The following CHRDL1 variants were observed in gnomAD, a reference collection of about 807,000 sequenced individuals.
CHRDL1 encodes the protein chordin like 1.
Under a neutral mutation model 40.9 loss-of-function variants are expected in CHRDL1, and 19 were observed. That is an observed-to-expected ratio of 0.46 (90% CI 0.32 to 0.68). The LOEUF is 0.68. Among genes scored for constraint, CHRDL1 ranks in the 30% least tolerant of loss-of-function variants. CHRDL1 has a pLI of 0.03. For synonymous variants in CHRDL1, 136 were observed against 123.4 expected (o/e 1.10, Z -0.68); for missense variants, 329 against 352.1 (o/e 0.93, Z 0.53).
intron 2 of CHRDL1, among the ~76,000 whole-genome samples, chrX:110,766,586 C>A (rs1025346557): frequency 2.7e-5 from 3 of 111,046 alleles, no homozygotes; most frequent in Non-Finnish European, 5.7e-5. Flanking sequence ...ACTAGGAAAC[C>A]TAGAAGAGAT....
Position 110,755,847 on chromosome X carries a change from A to G in CHRDL1, c.301+3814T>C, listed in dbSNP as rs1017869798. On this transcript the variant is annotated intron_variant, in intron 4 of 11. Transcript: ENST00000372042. ...CCTAATAATCACTGGGGTGGAAGGA[A>G]CACAGAGGAGTCATCACATCCATTG... 2.7e-5 allele frequency among the ~76,000 whole-genome samples: 3 copies of G among 111,928 alleles called. No homozygotes were observed. The East Asian group carries it at 8.4e-4, about 32-fold the overall frequency.
intron 4 of CHRDL1, among the ~76,000 whole-genome samples, chrX:110,752,403 T>C (rs184881410): frequency 7.6e-4 from 85 of 111,917 alleles, no homozygotes; most frequent in Non-Finnish European, 1.4e-3. Context: ...TAACCCCTTG[T>C]ACTGTGTCAA....
Position 110,719,932 on chromosome X carries a change from C to A in CHRDL1, c.448-4G>T. Reference sequence around the variant, plus strand: ...GACCACAATACACGTTTCCCTCCTGCCAAGGAGAAACAGAATTAAGATTAG... The same window carrying A: ...GACCACAATACACGTTTCCCTCCTGACAAGGAGAAACAGAATTAAGATTAG... On this transcript the variant is annotated splice_polypyrimidine_tract_variant and splice_region_variant and intron_variant, in intron 5 of 11. Coordinates refer to ENST00000372042, the MANE Select transcript of CHRDL1 (RefSeq NM_001143981.2). 1 of 1,135,611 alleles carries A rather than the reference C, an allele frequency of 8.8e-7. No homozygotes were observed. Among genetic ancestry groups the A allele is most frequent in the Middle Eastern group, 2.4e-4 (1 of 4,156 alleles). 93.6% of individuals were successfully genotyped at this position (1,135,611 alleles called of 1,213,427 possible).
At chrX:110,680,052 C>G (rs5943046) in intron 10 of CHRDL1, among the ~76,000 whole-genome samples, 49,399 of 110,927 alleles carry the variant, frequency 0.45, 8,994 homozygotes, top group African/African-American at 0.65. Flanking sequence ...CAACTGACAA[C>G]TGCCTTATAC....
chrX:110,751,151 G>A (rs1287745095), intron 4 of CHRDL1, among the ~76,000 whole-genome samples: 3 of 111,335 alleles, frequency 2.7e-5, no homozygotes, highest in Non-Finnish European at 5.7e-5. Flanking sequence ...TTGGTGTAGG[G>A]TCTGGGAGTC....
At chrX:110,703,941 G>A (rs1353279185) in intron 6 of CHRDL1, among the ~76,000 whole-genome samples, 3 of 111,045 alleles carry the variant, frequency 2.7e-5, no homozygotes, top group Admixed American at 1.9e-4. Flanking sequence ...GAGAAATTAC[G>A]CTGGTAATTG....
intron 2 of CHRDL1, among the ~76,000 whole-genome samples, chrX:110,790,098 C>G (rs1337018101): frequency 8.9e-6 from 1 of 111,880 alleles, no homozygotes; most frequent in Non-Finnish European, 1.9e-5. Context: ...ATGCATATAT[C>G]AAGACAGCAT....
At chrX:110,718,970 G>A (rs1422381078) in intron 6 of CHRDL1, among the ~76,000 whole-genome samples, 1 of 111,541 alleles carries the variant, frequency 9.0e-6, no homozygotes, top group Non-Finnish European at 1.9e-5. Flanking sequence ...TCTTATGTAA[G>A]GGAATCCTTT....
intron 3 of CHRDL1, among the ~76,000 whole-genome samples, chrX:110,760,160 G>A (rs2089536015): frequency 8.9e-6 from 1 of 112,311 alleles, no homozygotes; most frequent in Non-Finnish European, 1.9e-5. Flanking sequence ...CTGCTACCCA[G>A]CCCTGGGCAA....
In CHRDL1 at chrX:110,721,539, G is replaced by C; in HGVS notation, c.302-9C>G. On this transcript the variant is annotated splice_polypyrimidine_tract_variant and intron_variant, in intron 4 of 11. Transcript: ENST00000372042. ...TGGGGGTAAGGAGTCTTCTAGAACAGGGTGGAGAAAAACCACACTGAGTAT... is the reference window on the plus strand; with the variant it reads ...TGGGGGTAAGGAGTCTTCTAGAACACGGTGGAGAAAAACCACACTGAGTAT... 1 of 1,200,594 alleles carries C rather than the reference G, an allele frequency of 8.3e-7. No individual in the cohort carries two copies.
At position 110,795,321 on chromosome X, in the gene CHRDL1, G is replaced by A. The variant is rs1461302099; in HGVS notation, c.-35+423C>T. Among the ~76,000 whole-genome samples the A allele has an allele frequency of 2.7e-5, 3 of 111,672 alleles. No individual in the cohort carries two copies. The East Asian group carries it at 8.5e-4, about 32-fold the overall frequency. On this transcript the variant is annotated intron_variant, in intron 1 of 11. Transcript: ENST00000372042. ...GCAGATGGCCAGAGGATAGGATAGG[G>A]AGCCTTTCGCCCATCTACCCTGCTA...
At chrX:110,721,556 AC>A in intron 4 of CHRDL1, 26 bp from the exon 5 acceptor site, 1 of 1,168,598 alleles carries the variant, frequency 8.6e-7, no homozygotes, top group Non-Finnish European at 1.2e-6. Flanking sequence ...GAAAAACCAC[AC>A]TGAGTATTGG....
At position 110,721,517 on chromosome X, in the gene CHRDL1, G is replaced by A; in HGVS notation, c.315C>T (p.Pro105=). ...TGCTGGTCACCTTATTGTTCACTGGGGGTAAGGAGTCTTCTAGAACAGGGT... is the reference window on the plus strand; with the variant it reads ...TGCTGGTCACCTTATTGTTCACTGGAGGTAAGGAGTCTTCTAGAACAGGGT... The part of the protein sequence containing the change: ...CCPRCPEDSL[P]PVNNKVTSKS... Residue 105 remains proline, a synonymous_variant, in exon 5 of 12, where the codon CCC becomes CCT. Transcript: ENST00000372042. 1 of 1,207,774 alleles carries A rather than the reference G, an allele frequency of 8.3e-7. No individual in the cohort carries two copies. The highest frequency in any genetic ancestry group is 1.1e-6 in the Non-Finnish European group (1 of 891,829).
At chrX:110,731,179 C>A (rs775700436) in intron 4 of CHRDL1, among the ~76,000 whole-genome samples, 51 of 111,512 alleles carry the variant, frequency 4.6e-4, no homozygotes, top group African/African-American at 1.6e-3. Flanking sequence ...AGGGCCCTAT[C>A]TTTCCCAGAG....
At chrX:110,758,145 CAAA>C (rs900461293) in intron 4 of CHRDL1, among the ~76,000 whole-genome samples, 3 of 98,712 alleles carry the variant, frequency 3.0e-5, no homozygotes, top group Non-Finnish European at 6.2e-5. Flanking sequence ...AAAAAAAAAA[CAAA>C]GAAGCTCTCC....
chrX:110,774,860 T>C lies in CHRDL1; in HGVS notation c.95-12053A>G, dbSNP rs147831667. The stretch of plus-strand genomic sequence containing the variant: ...ATGCAATAAAAGGGAATTGAAAGCA[T>C]TGTTCCCAAAATAGGCCTTGGCAAT... On this transcript the variant is annotated intron_variant, in intron 2 of 11. Coordinates refer to ENST00000372042, the MANE Select transcript of CHRDL1 (RefSeq NM_001143981.2). 3.0e-3 allele frequency among the ~76,000 whole-genome samples: 336 copies of C among 111,863 alleles called. 1 individual carries two copies. The highest frequency in any genetic ancestry group is 0.011 in the African/African-American group (325 of 30,879).
chrX:110,753,354 C>T (rs2089394800), intron 4 of CHRDL1, among the ~76,000 whole-genome samples: 1 of 111,814 alleles, frequency 8.9e-6, no homozygotes, highest in African/African-American at 3.3e-5. Flanking sequence ...CCAGAATAGG[C>T]AAATCCATAG....
At chrX:110,742,839 AT>A (rs1569477020) in intron 4 of CHRDL1, among the ~76,000 whole-genome samples, 1 of 111,565 alleles carries the variant, frequency 9.0e-6, no homozygotes. Flanking sequence ...CTGAAAAAAA[AT>A]ATCTTTTCAA....
At position 110,694,241 on chromosome X, in the gene CHRDL1, C is replaced by T. The variant is rs1321903528; in HGVS notation, c.700G>A (p.Gly234Arg). The change falls in exon 8 of 12, where the codon GGA (glycine) becomes AGA (arginine). Residue 234 changes from glycine (G) to arginine (R), a missense_variant. Physicochemically the swap from Gly to Arg is moderately radical, Grantham distance 125 (BLOSUM62 -2). Coordinates refer to ENST00000372042, the MANE Select transcript of CHRDL1 (RefSeq NM_001143981.2). ...SRFPGARSHR[G>R]ALMDSQQASG... Reference sequence around the variant, plus strand: ...GCTTGCTGGGAATCCATAAGAGCTCCCCGGTGACTTCTGGCCCCAGGAAAG... The same window carrying T: ...GCTTGCTGGGAATCCATAAGAGCTCTCCGGTGACTTCTGGCCCCAGGAAAG... The T allele has an allele frequency of 8.3e-7, 1 of 1,209,012 alleles. No homozygotes were observed. Among genetic ancestry groups the T allele is most frequent in the Non-Finnish European group, 1.1e-6 (1 of 892,988 alleles).
Sources: allele counts gnomAD v4.1 joint callset (sites outside exome capture counted in the v4.1 genomes callset), GRCh38; gene constraint gnomAD v4.1.1; transcripts MANE v1.5; gene names NCBI Gene and HGNC (gene_info 2026-07-23, HGNC 2026-07-21).